The following SLX4IP variants were observed in gnomAD, a reference collection of about 807,000 sequenced individuals.
The protein encoded by SLX4IP is SLX4 interacting protein.
Under a neutral mutation model 32.9 loss-of-function variants are expected in SLX4IP, and 34 were observed. The observed-to-expected ratio is 1.03, with a 90% CI of 0.79 to 1.38. SLX4IP has a LOEUF of 1.38. Ranked by LOEUF, SLX4IP falls within the 40% of genes most tolerant of loss-of-function variation. The pLI is 0.00. For synonymous variants in SLX4IP, 172 were observed against 171.7 expected (o/e 1.00, Z -0.01); for missense variants, 444 against 479.0 (o/e 0.93, Z 0.68).
intron 1 of SLX4IP, among the ~76,000 whole-genome samples, chr20:10,452,520 G>T (rs1391193178): frequency 6.6e-6 from 1 of 151,938 alleles, no homozygotes; most frequent in Non-Finnish European, 1.5e-5. Context: ...ACATAAATTA[G>T]CTGGGCGTGG....
At chr20:10,537,434 A>C (rs1785194731) in intron 2 of SLX4IP, among the ~76,000 whole-genome samples, 1 of 152,234 alleles carries the variant, frequency 6.6e-6, no homozygotes, top group Admixed American at 6.5e-5. Flanking sequence ...CAAAGGAAAC[A>C]CTGTTTCGTG....
chr20:10,615,884 A>G (rs76219050), intron 6 of SLX4IP, among the ~76,000 whole-genome samples: 1 of 152,212 alleles, frequency 6.6e-6, no homozygotes, highest in East Asian at 1.9e-4. Context: ...TCCTTCCTTC[A>G]GGCCCTTTTA....
At chr20:10,537,092 A>G (rs1018769728) in intron 2 of SLX4IP, among the ~76,000 whole-genome samples, 1 of 152,208 alleles carries the variant, frequency 6.6e-6, no homozygotes, top group African/African-American at 2.4e-5. Flanking sequence ...CCTGGGATAA[A>G]CAATTCATAT....
At chr20:10,462,441 TACAG>T (rs1299753034) in intron 2 of SLX4IP, among the ~76,000 whole-genome samples, 4 of 152,148 alleles carry the variant, frequency 2.6e-5, no homozygotes, top group African/African-American at 4.8e-5. Context: ...GCAAACAGAT[TACAG>T]ACAGAGAATC....
In SLX4IP at chr20:10,614,025, A is replaced by C. The variant is rs779872803; in HGVS notation, c.406-7289A>C. ...TTCTCTGTCACCGAGAATGGAATAG[A>C]CTTTTTCCAGGATCTGGAAGCAGCG... On this transcript the variant is annotated intron_variant, in intron 6 of 7. Coordinates refer to ENST00000334534, the MANE Select transcript of SLX4IP (RefSeq NM_001009608.3). The C allele has an allele frequency of 8.6e-6, 12 of 1,387,452 alleles. No individual in the cohort carries two copies. In the Admixed American group the frequency reaches 1.0e-4, roughly 12 times the overall value. The allele number at this position is 1,387,452 out of a possible 1,614,324, so 85.9% of individuals were successfully genotyped here. A position where few individuals can be genotyped will look rare whatever the true frequency, so the allele number is the denominator to read the frequency against.
intron 2 of SLX4IP, among the ~76,000 whole-genome samples, chr20:10,510,490 G>T (rs1319522462): frequency 6.6e-6 from 1 of 152,236 alleles, no homozygotes; most frequent in Non-Finnish European, 1.5e-5. Flanking sequence ...AGCCCTGCTG[G>T]TGGAGCCTGT....
chr20:10,509,386 C>T (rs185582485), intron 2 of SLX4IP, among the ~76,000 whole-genome samples: 467 of 152,244 alleles, frequency 3.1e-3, no homozygotes, highest in South Asian at 0.024. Context: ...AGCAGAGCAC[C>T]GTCCCCACTG....
At position 10,626,131 on chromosome 20, in the gene SLX4IP, C is replaced by G. The variant is rs1295910506; in HGVS notation, c.*2752C>G. On this transcript the variant is annotated 3_prime_UTR_variant, in exon 8 of 8. Coordinates refer to ENST00000334534, the MANE Select transcript of SLX4IP (RefSeq NM_001009608.3). Reference sequence around the variant, plus strand: ...CTGGGTTCACGTCATTCTCCTGTCTCAGCCTCCTGAGTAGCTGGGACTACA... The same window carrying G: ...CTGGGTTCACGTCATTCTCCTGTCTGAGCCTCCTGAGTAGCTGGGACTACA... 1 of 146,310 alleles carries G rather than the reference C, an allele frequency of 6.8e-6. No individual in the cohort carries two copies. The highest frequency in any genetic ancestry group is 1.5e-5 in the Non-Finnish European group (1 of 67,098). 9.1% of individuals were successfully genotyped at this position (146,310 alleles called of 1,614,324 possible).
intron 2 of SLX4IP, among the ~76,000 whole-genome samples, chr20:10,553,627 T>G (rs2066239252): frequency 6.6e-6 from 1 of 152,136 alleles, no homozygotes; most frequent in Non-Finnish European, 1.5e-5. Flanking sequence ...ACTTGAGTGG[T>G]TTTCAAACAT....
intron 2 of SLX4IP, among the ~76,000 whole-genome samples, chr20:10,522,503 AAGC>A (rs2065908404): frequency 6.6e-6 from 1 of 152,110 alleles, no homozygotes; most frequent in Non-Finnish European, 1.5e-5. Context: ...GAGCAAAGAG[AAGC>A]ATTTAGGAGG....
chr20:10,574,819 C>T (rs1313649426), intron 4 of SLX4IP, among the ~76,000 whole-genome samples: 2 of 152,022 alleles, frequency 1.3e-5, no homozygotes, highest in Non-Finnish European at 2.9e-5. Flanking sequence ...ATTACAGGCA[C>T]GTGCCACCAC....
intron 2 of SLX4IP, among the ~76,000 whole-genome samples, chr20:10,485,968 G>T (rs1480349483): frequency 6.6e-6 from 1 of 152,074 alleles, no homozygotes; most frequent in East Asian, 1.9e-4. Flanking sequence ...CTCAGGGGTG[G>T]TGGAGGCAGA....
intron 2 of SLX4IP, among the ~76,000 whole-genome samples, chr20:10,477,167 T>C (rs1021697140): frequency 1.5e-5 from 2 of 132,974 alleles, no homozygotes; most frequent in Admixed American, 7.2e-5. Flanking sequence ...TGAAGGGAAT[T>C]CTCTTTTTTT....
chr20:10,461,539 CT>C (rs1249165624), intron 2 of SLX4IP, among the ~76,000 whole-genome samples: 2 of 152,202 alleles, frequency 1.3e-5, no homozygotes, highest in African/African-American at 4.8e-5. Context: ...ATGTACCTTA[CT>C]TAGAAGCTCC....
chr20:10,515,079 C>CTTTTT lies in SLX4IP; in HGVS notation c.28-41134_28-41130dup, dbSNP rs35576843. On this transcript the variant is annotated intron_variant, in intron 2 of 7. Transcript: ENST00000334534. ...ATTCACATTTATTTGTAAGTTGAAG[C>CTTTTT]TTTTTTTTTTTTTTTTTTTTTTGAG... Among the ~76,000 whole-genome samples, 53 of 82,882 alleles carry CTTTTT rather than the reference C, an allele frequency of 6.4e-4. 1 individual carries two copies. The highest frequency in any genetic ancestry group is 9.1e-4 in the Admixed American group (5 of 5,480). 54.4% of individuals were successfully genotyped at this position (82,882 alleles called of 152,430 possible).
intron 1 of SLX4IP, among the ~76,000 whole-genome samples, chr20:10,439,011 AATT>A (rs747551296): frequency 2.8e-4 from 43 of 151,530 alleles, no homozygotes; most frequent in Non-Finnish European, 5.5e-4. Context: ...TGGCCATCAT[AATT>A]ATTTTGAGAA....
chr20:10,475,126 G>A (rs2065464063), intron 2 of SLX4IP, among the ~76,000 whole-genome samples: 1 of 152,212 alleles, frequency 6.6e-6, no homozygotes, highest in Admixed American at 6.5e-5. Flanking sequence ...AGAGTTCCCT[G>A]GAAGCACTGC....
At chr20:10,515,367 G>A (rs1177023781) in intron 2 of SLX4IP, among the ~76,000 whole-genome samples, 1 of 152,186 alleles carries the variant, frequency 6.6e-6, no homozygotes, top group African/African-American at 2.4e-5. Flanking sequence ...TTACAGGCAT[G>A]AGCCACCGTG....
At chr20:10,607,946 C>T (rs558031898) in intron 6 of SLX4IP, among the ~76,000 whole-genome samples, 1 of 152,196 alleles carries the variant, frequency 6.6e-6, no homozygotes, top group African/African-American at 2.4e-5. Context: ...CTCCTCCCAC[C>T]ACTGCCATTC....
Sources: gnomAD v4.1 joint callset for allele counts (sites outside exome capture counted in the v4.1 genomes callset) on GRCh38, gnomAD v4.1.1 for gene constraint, MANE v1.5 for transcripts, NCBI Gene and HGNC (gene_info 2026-07-23, HGNC 2026-07-21) for gene names.